ZNF407: variants seen among roughly 807,000 people sequenced by gnomAD.
The protein encoded by ZNF407 is zinc finger protein 407.
ZNF407 carries 17 observed loss-of-function variants against 131.2 expected under a neutral mutation model. That is an observed-to-expected ratio of 0.13 (90% CI 0.09 to 0.19). The LOEUF is 0.19. ZNF407 is among the 10% of genes least tolerant of loss of function. The pLI is 1.00. For synonymous variants in ZNF407, 1,156 were observed against 1,062.0 expected (o/e 1.09, Z -1.72); for missense variants, 2,681 against 2,830.6 (o/e 0.95, Z 1.20).
At chr18:74,701,636 A>G (rs1967498485) in intron 3 of ZNF407, among the ~76,000 whole-genome samples, 1 of 152,122 alleles carries the variant, frequency 6.6e-6, no homozygotes, top group Admixed American at 6.5e-5. Context: ...TTTTTTATTC[A>G]ACAGTTTTGA....
At chr18:74,663,907 G>A (rs751052860) in intron 3 of ZNF407, among the ~76,000 whole-genome samples, 8 of 152,162 alleles carry the variant, frequency 5.3e-5, no homozygotes, top group Admixed American at 2.0e-4. Flanking sequence ...GCCTGGACCC[G>A]GAAGGTAGAG....
intron 8 of ZNF407, among the ~76,000 whole-genome samples, chr18:74,992,165 C>T (rs1054414885): frequency 1.3e-5 from 2 of 152,164 alleles, no homozygotes; most frequent in Admixed American, 6.5e-5. Context: ...ATGAGCAAAA[C>T]GAGGAGTCTT....
At chr18:74,876,801 C>G (rs1337044853) in intron 4 of ZNF407, among the ~76,000 whole-genome samples, 2 of 152,214 alleles carry the variant, frequency 1.3e-5, no homozygotes, top group African/African-American at 2.4e-5. Context: ...TCCAGCCGTA[C>G]AAGCCGCACA....
At chr18:74,666,932 G>A (rs1291351672) in intron 3 of ZNF407, among the ~76,000 whole-genome samples, 2 of 152,096 alleles carry the variant, frequency 1.3e-5, no homozygotes, top group Admixed American at 6.5e-5. Context: ...TGTGAGTCTC[G>A]TATTGCTTCA....
intron 3 of ZNF407, among the ~76,000 whole-genome samples, chr18:74,779,185 G>A (rs1231526044): frequency 2.1e-5 from 3 of 139,834 alleles, no homozygotes; most frequent in Non-Finnish European, 3.0e-5. Flanking sequence ...GCGCAATCTC[G>A]GCTCACTGCA....
intron 8 of ZNF407, among the ~76,000 whole-genome samples, chr18:74,973,479 G>A (rs115325133): frequency 0.011 from 1,631 of 152,106 alleles, 27 homozygotes; most frequent in African/African-American, 0.036. Flanking sequence ...GCCAACACGC[G>A]TTTCCAGAAA....
chr18:75,053,016 T>C (rs1973520419), intron 8 of ZNF407, among the ~76,000 whole-genome samples: 1 of 152,222 alleles, frequency 6.6e-6, no homozygotes, highest in Non-Finnish European at 1.5e-5. Flanking sequence ...AAAAGATAGT[T>C]TTCCTGTTTA....
At chr18:74,710,025 A>G (rs1264280613) in intron 3 of ZNF407, among the ~76,000 whole-genome samples, 1 of 152,190 alleles carries the variant, frequency 6.6e-6, no homozygotes, top group African/African-American at 2.4e-5. Flanking sequence ...TCTGTTTGTG[A>G]CTTCTGATAA....
At chr18:74,627,977 C>T (rs574997075) in intron 1 of ZNF407, among the ~76,000 whole-genome samples, 2 of 152,020 alleles carry the variant, frequency 1.3e-5, no homozygotes, top group African/African-American at 2.4e-5. Context: ...GAGGCTCAAG[C>T]GATTTTCCCA....
intron 1 of ZNF407, among the ~76,000 whole-genome samples, chr18:74,606,576 A>G (rs1038553460): frequency 2.0e-5 from 3 of 152,102 alleles, no homozygotes; most frequent in Admixed American, 1.3e-4. Context: ...TTTGATTTTC[A>G]TACTTGTTTT....
intron 7 of ZNF407, among the ~76,000 whole-genome samples, chr18:74,890,715 A>C (rs565792040): frequency 6.6e-6 from 1 of 152,316 alleles, no homozygotes; most frequent in African/African-American, 2.4e-5. Context: ...AAAGTGACTC[A>C]GTGTTTATAA....
chr18:74,919,732 GC>G (rs1373478769), intron 7 of ZNF407, among the ~76,000 whole-genome samples: 6 of 152,310 alleles, frequency 3.9e-5, no homozygotes, highest in African/African-American at 1.4e-4. Flanking sequence ...GTCTAGACTT[GC>G]AGTCTGTGTT....
At chr18:74,975,160 C>T (rs1402324411) in intron 8 of ZNF407, among the ~76,000 whole-genome samples, 1 of 152,226 alleles carries the variant, frequency 6.6e-6, no homozygotes, top group Admixed American at 6.5e-5. Context: ...ATAGAGCTGA[C>T]ATCCTGGGCT....
intron 8 of ZNF407, among the ~76,000 whole-genome samples, chr18:75,059,320 G>C (rs1973597709): frequency 1.3e-5 from 2 of 152,168 alleles, no homozygotes; most frequent in South Asian, 2.1e-4. Context: ...ATTTCTTCCT[G>C]AGACTACTGA....
At chr18:74,957,405 G>GT (rs1319112305) in intron 8 of ZNF407, among the ~76,000 whole-genome samples, 4 of 151,978 alleles carry the variant, frequency 2.6e-5, no homozygotes, top group Non-Finnish European at 2.9e-5. Flanking sequence ...AACTTACGGG[G>GT]TTTTTTGGAA....
At chr18:74,606,653 G>A (rs949801895) in intron 1 of ZNF407, among the ~76,000 whole-genome samples, 1 of 152,122 alleles carries the variant, frequency 6.6e-6, no homozygotes, top group Non-Finnish European at 1.5e-5. Flanking sequence ...GAACTGTGGT[G>A]GAGTTTATTA....
intron 3 of ZNF407, among the ~76,000 whole-genome samples, chr18:74,767,841 T>G (rs150705786): frequency 7.5e-5 from 10 of 133,626 alleles, no homozygotes; most frequent in African/African-American, 2.6e-4. Context: ...TTTTTTTTTG[T>G]ATTTTTAGTA....
intron 4 of ZNF407, among the ~76,000 whole-genome samples, chr18:74,823,048 T>G (rs1436789458): frequency 6.6e-6 from 1 of 152,224 alleles, no homozygotes; most frequent in Non-Finnish European, 1.5e-5. Flanking sequence ...GGGAGTTTGC[T>G]CATGATTTGG....
intron 8 of ZNF407, among the ~76,000 whole-genome samples, chr18:75,004,300 A>T (rs1972881637): frequency 6.6e-6 from 1 of 152,188 alleles, no homozygotes; most frequent in African/African-American, 2.4e-5. Context: ...CTAATTTAGG[A>T]TAGGAGACTG....
Sources: gnomAD v4.1 joint callset for allele counts (sites outside exome capture counted in the v4.1 genomes callset) on GRCh38, gnomAD v4.1.1 for gene constraint, MANE v1.5 for transcripts, NCBI Gene and HGNC (gene_info 2026-07-23, HGNC 2026-07-21) for gene names.